Variants in CDH2 observed in about 807,000 individuals in gnomAD.
CDH2 encodes the protein cadherin 2, also known as cadherin-2.
CDH2 carries 17 observed loss-of-function variants against 92.0 expected under a neutral mutation model. The observed-to-expected ratio is 0.18, with a 90% CI of 0.13 to 0.28. The LOEUF is 0.28. Among genes scored for constraint, CDH2 ranks in the 10% least tolerant of loss-of-function variants. CDH2 has a pLI of 1.00. For missense variants in CDH2, 862 were observed against 1,133.1 expected (o/e 0.76, Z 3.44); for synonymous variants, 419 against 415.9 (o/e 1.01, Z -0.09).
chr18:28,019,112 A>G (rs1407461935), intron 2 of CDH2, among the ~76,000 whole-genome samples: 1 of 151,912 alleles, frequency 6.6e-6, no homozygotes, highest in Non-Finnish European at 1.5e-5. Context: ...GCAAAGGTGT[A>G]AATGATGCAA....
chr18:27,978,883 T>A (rs2011943179), intron 14 of CDH2, among the ~76,000 whole-genome samples: 1 of 152,030 alleles, frequency 6.6e-6, no homozygotes. Flanking sequence ...CTTGAACTCC[T>A]AGGCTTAAGT....
chr18:28,043,466 ATATATATATATAT>A (rs1599057614), intron 2 of CDH2, among the ~76,000 whole-genome samples: 1 of 83,024 alleles, frequency 1.2e-5, no homozygotes, highest in African/African-American at 6.7e-5. Context: ...AAATAAATAT[ATATATATATATAT>A]ATATATATAT....
intron 2 of CDH2, among the ~76,000 whole-genome samples, chr18:28,127,176 T>C (rs1258718008): frequency 1.3e-5 from 2 of 152,206 alleles, no homozygotes; most frequent in African/African-American, 4.8e-5. Context: ...AGTATTGTGT[T>C]ATTTATGAAA....
chr18:28,026,583 TG>T lies in CDH2; in HGVS notation c.173-12675del, dbSNP rs534999433. On this transcript the variant is annotated intron_variant, in intron 2 of 15. Coordinates refer to ENST00000269141, the MANE Select transcript of CDH2 (RefSeq NM_001792.5). The stretch of plus-strand genomic sequence containing the variant: ...TCCTAGAGATCATTCTCTTGATACC[TG>T]GAAATTATTCTTCCTCAGCCCAAGG... 1.4e-3 allele frequency among the ~76,000 whole-genome samples: 220 copies of T among 152,274 alleles called. 1 individual carries two copies. Among genetic ancestry groups the T allele is most frequent in the African/African-American group, 5.0e-3 (208 of 41,582 alleles).
At chr18:28,018,588 C>T (rs553843118) in intron 2 of CDH2, among the ~76,000 whole-genome samples, 5 of 151,914 alleles carry the variant, frequency 3.3e-5, no homozygotes, top group Non-Finnish European at 4.4e-5. Context: ...CTCAACATCA[C>T]TAATTATCAG....
chr18:28,017,618 G>T (rs2013289552), intron 2 of CDH2, among the ~76,000 whole-genome samples: 1 of 151,874 alleles, frequency 6.6e-6, no homozygotes, highest in African/African-American at 2.4e-5. Flanking sequence ...ATATAGTTGT[G>T]CTCTGACCTT....
intron 15 of CDH2, among the ~76,000 whole-genome samples, chr18:27,955,921 A>G (rs1314643750): frequency 6.6e-6 from 1 of 152,136 alleles, no homozygotes; most frequent in Non-Finnish European, 1.5e-5. Context: ...CCAGCTTTCT[A>G]TGCAGGTTAA....
At chr18:28,122,001 C>A (rs2015596344) in intron 2 of CDH2, among the ~76,000 whole-genome samples, 1 of 152,074 alleles carries the variant, frequency 6.6e-6, no homozygotes, top group Non-Finnish European at 1.5e-5. Context: ...CTTCCCTTCT[C>A]CCTCTTGACA....
In CDH2 at chr18:28,170,439, G is replaced by A. The variant is rs533786835; in HGVS notation, c.60+6524C>T. Among the ~76,000 whole-genome samples the A allele has an allele frequency of 4.6e-5, 7 of 152,200 alleles. No individual in the cohort carries two copies. In the East Asian group the frequency reaches 1.4e-3, roughly 29 times the overall value. On this transcript the variant is annotated intron_variant, in intron 1 of 15. Transcript: ENST00000269141. ...CGGCTCACTGCAACCTCCGCCTCCC[G>A]GGTTCAAGTGATTCTCCTGCCTCAG...
At chr18:28,122,023 T>C (rs2015596755) in intron 2 of CDH2, among the ~76,000 whole-genome samples, 2 of 152,132 alleles carry the variant, frequency 1.3e-5, no homozygotes, top group African/African-American at 4.8e-5. Flanking sequence ...ATGGTGTTGG[T>C]GCCTCTGGAT....
chr18:28,172,158 TGAG>T (rs1470783103), intron 1 of CDH2, among the ~76,000 whole-genome samples: 1 of 151,784 alleles, frequency 6.6e-6, no homozygotes, highest in Non-Finnish European at 1.5e-5. Flanking sequence ...TGGAAGCAGA[TGAG>T]GAAGTGCACT....
At chr18:28,041,959 T>C (rs2013955962) in intron 2 of CDH2, among the ~76,000 whole-genome samples, 1 of 152,138 alleles carries the variant, frequency 6.6e-6, no homozygotes, top group South Asian at 2.1e-4. Flanking sequence ...TAAATAGCAG[T>C]CCTTAATTTT....
chr18:27,985,909 C>A (rs1354402195), intron 11 of CDH2, 148 bp from the exon 12 acceptor site: 1 of 583,486 alleles, frequency 1.7e-6, no homozygotes, highest in Non-Finnish European at 3.0e-6. Flanking sequence ...CTGGGCAGAC[C>A]GTTTCCAGAA....
chr18:28,000,298 C>T (rs547620782), intron 7 of CDH2, among the ~76,000 whole-genome samples: 40 of 152,100 alleles, frequency 2.6e-4, no homozygotes, highest in Non-Finnish European at 2.1e-4. Flanking sequence ...GATGGGGTTT[C>T]GCCATGTTGT....
At chr18:27,984,476 T>C (rs1033149084) in intron 13 of CDH2, among the ~76,000 whole-genome samples, 11 of 152,222 alleles carry the variant, frequency 7.2e-5, no homozygotes, top group Non-Finnish European at 1.3e-4. Flanking sequence ...TGTGTAATCA[T>C]TTCTATTATC....
chr18:28,004,049 T>C (rs1245459045), intron 6 of CDH2, among the ~76,000 whole-genome samples: 3 of 152,246 alleles, frequency 2.0e-5, no homozygotes, highest in Non-Finnish European at 1.5e-5. Context: ...GGTTCTGAAC[T>C]AACTGTGCTT....
intron 2 of CDH2, among the ~76,000 whole-genome samples, chr18:28,019,485 A>G (rs2013349465): frequency 6.6e-6 from 1 of 152,074 alleles, no homozygotes; most frequent in South Asian, 2.1e-4. Flanking sequence ...TTGTACTGTT[A>G]CTTATTTGGA....
chr18:28,176,109 G>C (rs569368462), intron 1 of CDH2, among the ~76,000 whole-genome samples: 47 of 152,310 alleles, frequency 3.1e-4, no homozygotes, highest in African/African-American at 1.1e-3. Context: ...TGCCGCGGAG[G>C]AGCCTCTTAG....
At position 28,089,492 on chromosome 18, in the gene CDH2, C is replaced by T. The variant is rs148308205; in HGVS notation, c.172+58181G>A. Among the ~76,000 whole-genome samples, 273 of 152,100 alleles carry T rather than the reference C, an allele frequency of 1.8e-3. 3 individuals carry two copies. In the Middle Eastern group the frequency reaches 0.021, roughly 11 times the overall value. On this transcript the variant is annotated intron_variant, in intron 2 of 15. Coordinates refer to ENST00000269141, the MANE Select transcript of CDH2 (RefSeq NM_001792.5). The stretch of plus-strand genomic sequence containing the variant: ...GGGTTATTATGCCTTACTATACATA[C>T]GGGTTATCTAGTTTCCATAATCATT...
Sources: gnomAD v4.1 joint callset for allele counts (sites outside exome capture counted in the v4.1 genomes callset) on GRCh38, gnomAD v4.1.1 for gene constraint, MANE v1.5 for transcripts, NCBI Gene and HGNC (gene_info 2026-07-23, HGNC 2026-07-21) for gene names.